The following ERCC6 variants were observed in gnomAD, a reference collection of about 807,000 sequenced individuals.
The protein encoded by ERCC6 is DNA excision repair protein ERCC-6.
ERCC6 carries 116 observed loss-of-function variants against 158.7 expected under a neutral mutation model. That is an observed-to-expected ratio of 0.73 (90% CI 0.63 to 0.85). The LOEUF is 0.85. Among genes scored for constraint, ERCC6 ranks in the 40% least tolerant of loss-of-function variants. The pLI is 0.00. For missense variants in ERCC6, 1,698 were observed against 1,799.4 expected, an observed-to-expected ratio of 0.94 and a Z score of 1.02; for synonymous variants, 678 against 659.3, an observed-to-expected ratio of 1.03 and a Z score of -0.43.
In ERCC6 at chr10:49,470,288, G is replaced by T; in HGVS notation, c.3672C>A (p.His1224Gln). The T allele has an allele frequency of 6.2e-7, 1 of 1,614,092 alleles. No individual in the cohort carries two copies. Among genetic ancestry groups the T allele is most frequent in the Non-Finnish European group, 8.5e-7 (1 of 1,180,008 alleles). ...TCTGGTAACGCCTTTTCTTCACCAG[G>T]TGTGGAATTCGAGTTCCTTCAAACT... ...DAKFEGTRIP[H>Q]LVKKRRYQKQ... The change falls in exon 18 of 21, where the codon CAC (histidine) becomes CAA (glutamine). Residue 1224 changes from histidine (H) to glutamine (Q), a missense_variant. Coordinates refer to ENST00000355832, the MANE Select transcript of ERCC6 (RefSeq NM_000124.4).
chr10:49,438,798 C>T, the ERCC6 span, among the ~76,000 whole-genome samples: 8 of 152,140 alleles, frequency 5.3e-5, no homozygotes, highest in African/African-American at 1.7e-4. Flanking sequence ...TAAATACAGC[C>T]GTTCCAAATG....
intron 5 of ERCC6, chr10:49,515,162 C>A (rs1046396177): frequency 2.1e-5 from 27 of 1,314,632 alleles, no homozygotes; most frequent in Non-Finnish European, 3.9e-6. Context: ...GCATGAAATT[C>A]ATATATGTTA....
chr10:49,515,264 C>CA, intron 5 of ERCC6: 1 of 1,465,390 alleles, frequency 6.8e-7, no homozygotes, highest in Non-Finnish European at 9.0e-7. Flanking sequence ...GAACACTAGG[C>CA]AAAACCACTG....
rs757794095 is a variant in ERCC6 at position 49,458,977 on chromosome 10, G to T, written c.4320C>A (p.His1440Gln). The change falls in exon 21 of 21, where the codon CAC becomes CAA. Residue 1440 changes from histidine to glutamine, a missense_variant. By Grantham distance (24) the His-to-Gln change is conservative. Transcript: ENST00000355832. Reference protein sequence around the residue: ...EMRNFIAFQAHTDGQASTREI... With the variant: ...EMRNFIAFQAQTDGQASTREI... ...CCCTGGTGCTGGCCTGGCCATCAGTGTGGGCCTGGAAAGCGATGAAGTTTC... is the reference window on the plus strand; with the variant it reads ...CCCTGGTGCTGGCCTGGCCATCAGTTTGGGCCTGGAAAGCGATGAAGTTTC... 1 of 1,614,202 alleles carries T rather than the reference G, an allele frequency of 6.2e-7. No homozygotes were observed. Among genetic ancestry groups the T allele is most frequent in the Non-Finnish European group, 8.5e-7 (1 of 1,180,044 alleles).
chr10:49,516,893 G>A (rs762391469), intron 5 of ERCC6: 2 of 1,614,154 alleles, frequency 1.2e-6, no homozygotes, highest in South Asian at 2.2e-5. Flanking sequence ...GATCATCTGA[G>A]TCAGACTCAG....
chr10:49,470,225 C>G lies in ERCC6; in HGVS notation c.3735G>C (p.Gln1245His), dbSNP rs1377027379. The G allele has an allele frequency of 1.2e-6, 2 of 1,614,056 alleles. No individual in the cohort carries two copies. The highest frequency in any genetic ancestry group is 2.7e-5 in the African/African-American group (2 of 74,916). Residue 1245 changes from glutamine to histidine, a missense_variant, in exon 18 of 21, where the codon CAG becomes CAC. By Grantham distance (24) the Gln-to-His change is conservative (BLOSUM62 0). Coordinates refer to ENST00000355832, the MANE Select transcript of ERCC6 (RefSeq NM_000124.4). ...TTTCCAAAACATAATCGTCATTGCT[C>G]TGTTCCTTGGCCTCACTCTTGTTTT... ...DSENKSEAKEQSNDDYVLEKL... is the reference protein window; with the variant it reads ...DSENKSEAKEHSNDDYVLEKL...
chr10:49,441,682 G>A, the ERCC6 span, among the ~76,000 whole-genome samples: 1 of 152,160 alleles, frequency 6.6e-6, no homozygotes, highest in African/African-American at 2.4e-5. Context: ...GGGTGCGGAC[G>A]GGAGCAGAGA....
At chr10:49,476,755 G>A (rs566295150) in intron 11 of ERCC6, among the ~76,000 whole-genome samples, 1 of 152,176 alleles carries the variant, frequency 6.6e-6, no homozygotes, top group South Asian at 2.1e-4. Context: ...GCCTTGGACG[G>A]CAACCCTTAC....
At chr10:49,464,527 G>A (rs138074935) in intron 18 of ERCC6, among the ~76,000 whole-genome samples, 145 of 152,330 alleles carry the variant, frequency 9.5e-4, no homozygotes, top group African/African-American at 3.0e-3. Context: ...TAATCCCCAA[G>A]ACAATGAGGA....
At chr10:49,512,193 C>CTGG (rs1176246400) in intron 5 of ERCC6, among the ~76,000 whole-genome samples, 1 of 152,198 alleles carries the variant, frequency 6.6e-6, no homozygotes, top group African/African-American at 2.4e-5. Context: ...TCACTCCATA[C>CTGG]TGGTCAGTCA....
chr10:49,515,710 T>G, intron 5 of ERCC6: 8 of 1,614,184 alleles, frequency 5.0e-6, no homozygotes, highest in Non-Finnish European at 6.8e-6. Flanking sequence ...TTATCAATGT[T>G]TTCATCAGCT....
the ERCC6 span, among the ~76,000 whole-genome samples, chr10:49,445,304 T>C: frequency 6.6e-6 from 1 of 152,242 alleles, no homozygotes; most frequent in Non-Finnish European, 1.5e-5. Context: ...CCCATCACCA[T>C]TCCTGGCAAA....
At chr10:49,491,149 C>A (rs996201407) in intron 8 of ERCC6, among the ~76,000 whole-genome samples, 1 of 152,084 alleles carries the variant, frequency 6.6e-6, no homozygotes, top group Non-Finnish European at 1.5e-5. Flanking sequence ...AATAGTAAGG[C>A]CTATGGAAAG....
downstream of ERCC6, among the ~76,000 whole-genome samples, chr10:49,450,167 C>T (rs1378955396): frequency 6.6e-6 from 1 of 152,206 alleles, no homozygotes; most frequent in Non-Finnish European, 1.5e-5. Context: ...TCATACCCAG[C>T]CAACTTTTTA....
At chr10:49,539,205 T>C (rs546581907), upstream of ERCC6, among the ~76,000 whole-genome samples, 182 of 152,348 alleles carry the variant, frequency 1.2e-3, 1 homozygote, top group Non-Finnish European at 2.1e-3. Context: ...GCCTTTCTAC[T>C]TGCGTGCGAG....
At chr10:49,478,720 A>C (rs1850923069) in intron 10 of ERCC6, among the ~76,000 whole-genome samples, 1 of 152,198 alleles carries the variant, frequency 6.6e-6, no homozygotes, top group South Asian at 2.1e-4. Context: ...CAACAAAAGA[A>C]AAACTGATAA....
intron 5 of ERCC6, among the ~76,000 whole-genome samples, chr10:49,522,698 C>T (rs1024330551): frequency 6.6e-6 from 1 of 152,130 alleles, no homozygotes; most frequent in African/African-American, 2.4e-5. Flanking sequence ...CATTTATAAT[C>T]AATATGTTGA....
chr10:49,515,588 T>C, intron 5 of ERCC6: 1 of 1,614,172 alleles, frequency 6.2e-7, no homozygotes, highest in African/African-American at 1.3e-5. Flanking sequence ...GAAAATCCAC[T>C]GGTTTCTCAT....
At chr10:49,515,323 G>A (rs746081896) in intron 5 of ERCC6, 11 of 1,595,018 alleles carry the variant, frequency 6.9e-6, no homozygotes, top group Non-Finnish European at 9.4e-6. Flanking sequence ...TCAGGAGGTG[G>A]TGACACCTGC....
Sources: gnomAD v4.1 joint callset for allele counts (sites outside exome capture counted in the v4.1 genomes callset) on GRCh38, gnomAD v4.1.1 for gene constraint, MANE v1.5 for transcripts, NCBI Gene and HGNC (gene_info 2026-07-23, HGNC 2026-07-21) for gene names.